GREB1L: variants seen among roughly 807,000 people sequenced by gnomAD.
GREB1L encodes the protein GREB1 like retinoic acid receptor coactivator, also known as GREB1-like protein.
Under a neutral mutation model 200.8 loss-of-function variants are expected in GREB1L, and 17 were observed. That is an observed-to-expected ratio of 0.08 (90% CI 0.06 to 0.13). The LOEUF (loss-of-function observed/expected upper bound fraction) is 0.13, where lower values mean the gene tolerates loss of function less well. Ranked by LOEUF, GREB1L falls within the 10% of genes least tolerant of loss-of-function variation. GREB1L has a pLI of 1.00. For synonymous variants in GREB1L, 789 were observed against 893.0 expected (o/e 0.88, Z 2.08); for missense variants, 1,657 against 2,367.7 (o/e 0.70, Z 6.23).
chr18:21,383,482 C>G (rs1235735441), intron 2 of GREB1L, 28 bp from the exon 3 acceptor site: 2 of 1,465,046 alleles, frequency 1.4e-6, no homozygotes. Flanking sequence ...CAATTTTATC[C>G]TTTCTTCTTT....
Position 21,328,879 on chromosome 18 carries a change from C to A in GREB1L, c.-119-37148C>A, listed in dbSNP as rs1598662710. ...TTAAAACCACCTTGTGAATGGTAGT[C>A]ACCATTATTATTATCCCCACTTTAC... is the stretch of plus-strand genomic sequence containing the variant. On this transcript the variant is annotated intron_variant, in intron 1 of 32. Coordinates refer to ENST00000424526, the MANE Select transcript of GREB1L (RefSeq NM_001142966.3). Among the ~76,000 whole-genome samples the A allele has an allele frequency of 2.0e-5, 3 of 152,136 alleles. No homozygotes were observed. The East Asian group carries it at 5.8e-4, about 29-fold the overall frequency.
chr18:21,370,676 G>A, intron 2 of GREB1L, among the ~76,000 whole-genome samples: 1 of 152,188 alleles, frequency 6.6e-6, no homozygotes, highest in East Asian at 1.9e-4. Flanking sequence ...CATTAGTAGG[G>A]ACACAGCCAA....
chr18:21,520,920 G>T (rs2037581782), intron 32 of GREB1L, 97 bp downstream of exon 32: 3 of 1,061,722 alleles, frequency 2.8e-6, no homozygotes, highest in Non-Finnish European at 3.8e-6. Flanking sequence ...TTGAGGCCAG[G>T]CGCAGTGGCT....
intron 1 of GREB1L, among the ~76,000 whole-genome samples, chr18:21,289,238 G>A (rs2038407717): frequency 6.6e-6 from 1 of 152,108 alleles, no homozygotes; most frequent in South Asian, 2.1e-4. Flanking sequence ...AAATTTACCA[G>A]AGAGGATCTT....
chr18:21,268,522 T>TACAC (rs773384876), intron 1 of GREB1L, among the ~76,000 whole-genome samples: 2,639 of 64,754 alleles, frequency 0.041, 102 homozygotes, highest in Middle Eastern at 0.071. Flanking sequence ...TATATATATA[T>TACAC]ACACACACAC....
At chr18:21,257,333 G>T (rs1307962170) in intron 1 of GREB1L, among the ~76,000 whole-genome samples, 1 of 151,996 alleles carries the variant, frequency 6.6e-6, no homozygotes, top group South Asian at 2.1e-4. Flanking sequence ...TTCTTTTCTG[G>T]AAAAATTAGA....
At chr18:21,352,383 A>G (rs1181177754) in intron 1 of GREB1L, among the ~76,000 whole-genome samples, 1 of 151,818 alleles carries the variant, frequency 6.6e-6, no homozygotes, top group Admixed American at 6.6e-5. Flanking sequence ...GGTATTAGCA[A>G]TAATAATAAT....
At chr18:21,441,781 G>A (rs16941899) in intron 10 of GREB1L, among the ~76,000 whole-genome samples, 3,576 of 152,262 alleles carry the variant, frequency 0.023, 153 homozygotes, top group Admixed American at 0.11. Flanking sequence ...AGCCACCAGC[G>A]TTGGTAAATA....
intron 1 of GREB1L, among the ~76,000 whole-genome samples, chr18:21,308,362 A>C (rs2038735325): frequency 1.3e-5 from 2 of 152,210 alleles, no homozygotes; most frequent in Non-Finnish European, 2.9e-5. Context: ...TTTTATTTTA[A>C]CTGTGTATTT....
At chr18:21,488,028 G>A (rs1468849121) in intron 18 of GREB1L, among the ~76,000 whole-genome samples, 1 of 150,712 alleles carries the variant, frequency 6.6e-6, no homozygotes, top group Non-Finnish European at 1.5e-5. Flanking sequence ...AAAAAGACCG[G>A]GTGCAGTGGC....
intron 1 of GREB1L, among the ~76,000 whole-genome samples, chr18:21,325,813 CAAAAAAAA>C (rs60239796): frequency 4.8e-5 from 2 of 41,658 alleles, no homozygotes; most frequent in African/African-American, 9.1e-5. Flanking sequence ...GACCTTGTCT[CAAAAAAAA>C]AAAAAAAAAA....
intron 5 of GREB1L, among the ~76,000 whole-genome samples, chr18:21,395,785 A>G (rs1409316465): frequency 6.7e-6 from 1 of 148,962 alleles, no homozygotes; most frequent in Admixed American, 6.7e-5. Flanking sequence ...GCTGGAGTGC[A>G]ATGGTGCAGT....
intron 1 of GREB1L, among the ~76,000 whole-genome samples, chr18:21,333,174 G>C (rs2039132349): frequency 6.6e-6 from 1 of 152,132 alleles, no homozygotes; most frequent in Admixed American, 6.5e-5. Context: ...AGGTTTCCCA[G>C]AAGTCTGGTG....
intron 2 of GREB1L, among the ~76,000 whole-genome samples, chr18:21,369,752 GC>G (rs1054519203): frequency 1.3e-5 from 2 of 151,788 alleles, no homozygotes; most frequent in Non-Finnish European, 2.9e-5. Flanking sequence ...AATTTGTCCA[GC>G]CTGGCCAACA....
At chr18:21,407,458 AT>A (rs1347538615) in intron 7 of GREB1L, among the ~76,000 whole-genome samples, 1 of 152,210 alleles carries the variant, frequency 6.6e-6, no homozygotes. Flanking sequence ...TTTGTATAGT[AT>A]GAAATGAGAG....
At chr18:21,359,872 G>A (rs1488506032) in intron 1 of GREB1L, among the ~76,000 whole-genome samples, 1 of 152,162 alleles carries the variant, frequency 6.6e-6, no homozygotes, top group Non-Finnish European at 1.5e-5. Context: ...ACTAATGCCA[G>A]TTTAGATATT....
At chr18:21,381,449 G>A (rs928958422) in intron 2 of GREB1L, among the ~76,000 whole-genome samples, 18 of 151,230 alleles carry the variant, frequency 1.2e-4, no homozygotes, top group African/African-American at 4.1e-4. Flanking sequence ...GGACCCCATA[G>A]CATTTTTGTT....
intron 7 of GREB1L, among the ~76,000 whole-genome samples, chr18:21,413,922 T>G (rs1598790271): frequency 6.6e-6 from 1 of 152,224 alleles, no homozygotes; most frequent in Non-Finnish European, 1.5e-5. Flanking sequence ...ATTTCAGTGT[T>G]AAAATGCAGT....
intron 27 of GREB1L, among the ~76,000 whole-genome samples, chr18:21,509,387 G>C (rs544309000): frequency 3.9e-5 from 6 of 152,280 alleles, no homozygotes; most frequent in African/African-American, 1.4e-4. Context: ...ACCCAGCCTA[G>C]AGCTGGACTG....
Sources: allele counts gnomAD v4.1 joint callset (sites outside exome capture counted in the v4.1 genomes callset), GRCh38; gene constraint gnomAD v4.1.1; transcripts MANE v1.5; gene names NCBI Gene and HGNC (gene_info 2026-07-23, HGNC 2026-07-21).